AGMO: variants seen among roughly 807,000 people sequenced by gnomAD.
AGMO encodes alkylglycerol monooxygenase.
A neutral mutation model predicts 60.2 loss-of-function variants in AGMO; 75 were observed. The ratio of observed to expected loss-of-function variants is 1.25; its 90% CI spans 1.03 to 1.51. The LOEUF is 1.51. Ranked by LOEUF, AGMO falls within the 40% of genes most tolerant of loss-of-function variation. AGMO has a pLI of 0.00. For missense variants in AGMO, 763 were observed against 525.5 expected (o/e 1.45, Z -4.42); for synonymous variants, 261 against 177.1 (o/e 1.47, Z -3.76).
Position 15,560,119 on chromosome 7 carries a change from CGTT to C in AGMO, c.257+19_257+21del. 6.3e-7 allele frequency: 1 copy of C among 1,583,766 alleles called. No individual in the cohort carries two copies. Among genetic ancestry groups the C allele is most frequent in the Non-Finnish European group, 8.6e-7 (1 of 1,159,976 alleles). On this transcript the variant is annotated intron_variant, in intron 2 of 12. Transcript: ENST00000342526. ...AGGCAATTTCAGTTTTTATGCTCAG[CGTT>C]GTTGACCATCTAACTCACCTTGGAA...
At chr7:15,237,304 A>G (rs1428319236) in intron 12 of AGMO, among the ~76,000 whole-genome samples, 1 of 152,158 alleles carries the variant, frequency 6.6e-6, no homozygotes, top group Non-Finnish European at 1.5e-5. Flanking sequence ...TTTCAGAAAC[A>G]TTTTCACTAG....
At chr7:15,504,722 C>G (rs1255092000) in intron 3 of AGMO, among the ~76,000 whole-genome samples, 1 of 150,518 alleles carries the variant, frequency 6.6e-6, no homozygotes, top group Non-Finnish European at 1.5e-5. Flanking sequence ...ACAAGTTTAT[C>G]CAGACAGGGT....
chr7:15,147,111 G>T, the AGMO span, among the ~76,000 whole-genome samples: 37 of 152,124 alleles, frequency 2.4e-4, no homozygotes, highest in South Asian at 6.2e-4. Flanking sequence ...CTTCTCTGGG[G>T]TCCCTCCTCC....
At chr7:15,161,224 G>A in the AGMO span, among the ~76,000 whole-genome samples, 1 of 152,148 alleles carries the variant, frequency 6.6e-6, no homozygotes, top group Admixed American at 6.6e-5. Flanking sequence ...ATTTAAATCA[G>A]TACACTTTGA....
intron 12 of AGMO, among the ~76,000 whole-genome samples, chr7:15,283,909 G>C (rs1425527793): frequency 6.6e-6 from 1 of 151,882 alleles, no homozygotes. Context: ...AATAAAACTA[G>C]AAATCAACTC....
At chr7:15,336,574 G>A (rs958823540) in intron 12 of AGMO, among the ~76,000 whole-genome samples, 116 of 152,082 alleles carry the variant, frequency 7.6e-4, no homozygotes, top group Non-Finnish European at 8.8e-5. Flanking sequence ...AAATGATTTT[G>A]GGAAATTTCA....
At chr7:15,370,209 T>G (rs1783148492) in intron 10 of AGMO, among the ~76,000 whole-genome samples, 1 of 152,184 alleles carries the variant, frequency 6.6e-6, no homozygotes, top group South Asian at 2.1e-4. Context: ...CCAGCTGCAT[T>G]CACGTTGCTG....
intron 12 of AGMO, among the ~76,000 whole-genome samples, chr7:15,346,854 G>T (rs1782052322): frequency 1.1e-5 from 1 of 91,870 alleles, no homozygotes; most frequent in Non-Finnish European, 2.2e-5. Flanking sequence ...TAAATTAGTA[G>T]TAAGTAACTA....
At chr7:15,547,967 C>T (rs543713286) in intron 2 of AGMO, among the ~76,000 whole-genome samples, 1,912 of 146,924 alleles carry the variant, frequency 0.013, 22 homozygotes, top group African/African-American at 0.044. Flanking sequence ...AGCTGGAGAT[C>T]TGAGAACAGG....
intron 3 of AGMO, among the ~76,000 whole-genome samples, chr7:15,499,907 GCACACA>G (rs367953278): frequency 2.0e-4 from 27 of 137,728 alleles, no homozygotes; most frequent in South Asian, 1.7e-3. Flanking sequence ...TATGTATTAC[GCACACA>G]CACACACACA....
At chr7:15,490,510 TCTTC>T (rs1435696259) in intron 3 of AGMO, among the ~76,000 whole-genome samples, 1 of 151,972 alleles carries the variant, frequency 6.6e-6, no homozygotes, top group East Asian at 1.9e-4. Context: ...CTCCCACTCT[TCTTC>T]CTTAAGTGTG....
chr7:15,190,093 ATT>A, the AGMO span, among the ~76,000 whole-genome samples: 3 of 498 alleles, frequency 6.0e-3, no homozygotes, highest in Admixed American at 0.04. Flanking sequence ...ATATATATAT[ATT>A]TATATATATA....
intron 12 of AGMO, among the ~76,000 whole-genome samples, chr7:15,211,746 T>C (rs980957891): frequency 1.3e-5 from 2 of 152,082 alleles, no homozygotes; most frequent in African/African-American, 4.8e-5. Flanking sequence ...TATAAAACTA[T>C]GTCCAAAATA....
chr7:15,501,916 A>C (rs1783396106), intron 3 of AGMO, among the ~76,000 whole-genome samples: 1 of 152,088 alleles, frequency 6.6e-6, no homozygotes, highest in Non-Finnish European at 1.5e-5. Flanking sequence ...TTCTATATTT[A>C]GTTAAAATTG....
intron 10 of AGMO, among the ~76,000 whole-genome samples, chr7:15,381,097 A>G (rs1583482543): frequency 6.6e-6 from 1 of 152,326 alleles, no homozygotes; most frequent in Non-Finnish European, 1.5e-5. Context: ...CCTAGGCAAT[A>G]CCATTCAGGA....
the AGMO span, among the ~76,000 whole-genome samples, chr7:15,186,592 T>C: frequency 1.3e-5 from 2 of 152,208 alleles, no homozygotes; most frequent in African/African-American, 2.4e-5. Flanking sequence ...ATGTTTCTTA[T>C]AGTTGCAGAA....
At chr7:15,226,155 C>T (rs971307190) in intron 12 of AGMO, among the ~76,000 whole-genome samples, 2 of 152,088 alleles carry the variant, frequency 1.3e-5, no homozygotes, top group Admixed American at 6.6e-5. Flanking sequence ...CTTATCAAAC[C>T]TGAGCTTGGA....
At chr7:15,425,124 G>A (rs774370626) in intron 4 of AGMO, among the ~76,000 whole-genome samples, 1 of 152,098 alleles carries the variant, frequency 6.6e-6, no homozygotes, top group African/African-American at 2.4e-5. Flanking sequence ...ATAACCACAT[G>A]AGAAGGCAGA....
chr7:15,258,975 A>AT (rs1187679922), intron 12 of AGMO, among the ~76,000 whole-genome samples: 1 of 152,106 alleles, frequency 6.6e-6, no homozygotes, highest in Non-Finnish European at 1.5e-5. Flanking sequence ...CAGAAAAACA[A>AT]TTCTGGTAAT....
Sources: allele counts gnomAD v4.1 joint callset (sites outside exome capture counted in the v4.1 genomes callset), GRCh38; gene constraint gnomAD v4.1.1; transcripts MANE v1.5; gene names NCBI Gene and HGNC (gene_info 2026-07-23, HGNC 2026-07-21).